Variants in CPQ observed in about 807,000 individuals in gnomAD.
The protein encoded by CPQ is Ser-Met dipeptidase.
A neutral mutation model predicts 45.7 loss-of-function variants in CPQ; 37 were observed. The observed-to-expected ratio is 0.81, with a 90% CI of 0.62 to 1.07. The LOEUF (loss-of-function observed/expected upper bound fraction) is 1.07. CPQ is among the 50% of genes least tolerant of loss of function. The pLI, the probability that CPQ is intolerant of heterozygous loss-of-function variation, is 0.00. For missense variants in CPQ, 537 were observed against 572.9 expected (o/e 0.94, Z 0.64); for synonymous variants, 186 against 205.8 (o/e 0.90, Z 0.82).
intron 2 of CPQ, among the ~76,000 whole-genome samples, chr8:96,807,627 A>G (rs1811101995): frequency 6.6e-6 from 1 of 152,212 alleles, no homozygotes; most frequent in East Asian, 1.9e-4. Context: ...TGCATGGTAA[A>G]TGCTCTTTGC....
intron 7 of CPQ, among the ~76,000 whole-genome samples, chr8:97,116,332 A>G (rs1811593181): frequency 6.6e-6 from 1 of 152,218 alleles, no homozygotes; most frequent in Non-Finnish European, 1.5e-5. Context: ...ACTCTAAAAT[A>G]AGAGCCAGCC....
intron 6 of CPQ, among the ~76,000 whole-genome samples, chr8:97,046,704 C>A (rs1276402987): frequency 1.3e-5 from 2 of 152,296 alleles, no homozygotes; most frequent in East Asian, 3.9e-4. Flanking sequence ...GTGTTTCAGG[C>A]AACTCTCCAG....
chr8:97,042,999 G>A (rs1018357035), intron 6 of CPQ, among the ~76,000 whole-genome samples: 1 of 150,708 alleles, frequency 6.6e-6, no homozygotes, highest in African/African-American at 2.4e-5. Flanking sequence ...ATGTCTATTA[G>A]GTCCGCTTGG....
intron 4 of CPQ, among the ~76,000 whole-genome samples, chr8:96,904,902 T>C (rs1159378836): frequency 6.6e-6 from 1 of 152,172 alleles, no homozygotes. Flanking sequence ...CTGTATGAGC[T>C]GATTACTGTA....
chr8:96,756,227 A>T (rs1810325104), intron 1 of CPQ, among the ~76,000 whole-genome samples: 1 of 152,082 alleles, frequency 6.6e-6, no homozygotes, highest in African/African-American at 2.4e-5. Flanking sequence ...TGTAATTTTT[A>T]AAAATACTTA....
chr8:97,012,839 AT>A (rs1235277979), intron 5 of CPQ, among the ~76,000 whole-genome samples: 1 of 152,170 alleles, frequency 6.6e-6, no homozygotes. Context: ...CTGAAATTTC[AT>A]GTAAACACCT....
chr8:96,831,702 C>T (rs1811462703), intron 2 of CPQ, among the ~76,000 whole-genome samples: 1 of 151,954 alleles, frequency 6.6e-6, no homozygotes, highest in African/African-American at 2.4e-5. Flanking sequence ...ATACAGTGGC[C>T]CACCTTGTCT....
chr8:96,955,645 A>C (rs892964657), intron 4 of CPQ, among the ~76,000 whole-genome samples: 10 of 152,222 alleles, frequency 6.6e-5, no homozygotes, highest in East Asian at 1.9e-4. Context: ...TACAGTAACC[A>C]AAACAGCATG....
chr8:96,803,287 A>T (rs1305905989), intron 2 of CPQ, among the ~76,000 whole-genome samples: 1 of 152,164 alleles, frequency 6.6e-6, no homozygotes, highest in Non-Finnish European at 1.5e-5. Context: ...GTTAACCCAC[A>T]TTGGGGAGGG....
intron 1 of CPQ, among the ~76,000 whole-genome samples, chr8:96,653,820 G>A (rs932909058): frequency 6.6e-6 from 1 of 152,146 alleles, no homozygotes; most frequent in Non-Finnish European, 1.5e-5. Flanking sequence ...GCTGTCTTAG[G>A]GGTGGCAGAG....
chr8:96,804,545 GT>G (rs922485135), intron 2 of CPQ, among the ~76,000 whole-genome samples: 89 of 147,374 alleles, frequency 6.0e-4, no homozygotes, highest in African/African-American at 1.3e-3. Flanking sequence ...ATTCCTAAAA[GT>G]TTTTTTTTTC....
At chr8:96,722,611 G>C (rs897979377) in intron 1 of CPQ, among the ~76,000 whole-genome samples, 2 of 152,176 alleles carry the variant, frequency 1.3e-5, no homozygotes, top group African/African-American at 2.4e-5. Flanking sequence ...GCATAGGAAA[G>C]TATGCTAGAG....
At chr8:96,828,695 G>T (rs543062512) in intron 2 of CPQ, among the ~76,000 whole-genome samples, 83 of 152,088 alleles carry the variant, frequency 5.5e-4, no homozygotes, top group African/African-American at 1.9e-3. Context: ...CCTCACTCAC[G>T]CACATTAGTC....
At chr8:97,003,263 G>A (rs1340091283) in intron 5 of CPQ, among the ~76,000 whole-genome samples, 2 of 151,906 alleles carry the variant, frequency 1.3e-5, no homozygotes, top group South Asian at 2.1e-4. Context: ...TTACATTTAA[G>A]GTTAGTATTT....
intron 1 of CPQ, among the ~76,000 whole-genome samples, chr8:96,726,291 A>G (rs1484873247): frequency 6.6e-6 from 1 of 152,172 alleles, no homozygotes; most frequent in Non-Finnish European, 1.5e-5. Flanking sequence ...GGATTAATTC[A>G]TTCATGAATT....
intron 1 of CPQ, among the ~76,000 whole-genome samples, chr8:96,760,520 T>G (rs1419940503): frequency 1.3e-5 from 2 of 152,116 alleles, no homozygotes; most frequent in African/African-American, 4.8e-5. Flanking sequence ...TGTTGATGTT[T>G]TAAGGGCTAA....
intron 4 of CPQ, among the ~76,000 whole-genome samples, chr8:96,939,441 T>C (rs1443915245): frequency 6.6e-6 from 1 of 152,174 alleles, no homozygotes; most frequent in Non-Finnish European, 1.5e-5. Flanking sequence ...CTGTGTCCCC[T>C]CACCCCGCCA....
intron 1 of CPQ, among the ~76,000 whole-genome samples, chr8:96,714,498 C>A (rs1416927808): frequency 6.6e-6 from 1 of 152,026 alleles, no homozygotes; most frequent in East Asian, 1.9e-4. Context: ...GATTGGTTTT[C>A]CTTTAAAATA....
chr8:96,740,580 T>C (rs1349343905), intron 1 of CPQ, among the ~76,000 whole-genome samples: 2 of 150,292 alleles, frequency 1.3e-5, no homozygotes, highest in Non-Finnish European at 3.0e-5. Flanking sequence ...GCCCATTCAG[T>C]ATGATATTGG....
Sources: allele counts gnomAD v4.1 joint callset (sites outside exome capture counted in the v4.1 genomes callset), GRCh38; gene constraint gnomAD v4.1.1; transcripts MANE v1.5; gene names NCBI Gene and HGNC (gene_info 2026-07-23, HGNC 2026-07-21).